Variants in CDH2 observed in about 807,000 individuals in gnomAD.
CDH2 encodes the protein cadherin 2, also known as cadherin-2.
Under a neutral mutation model 92.0 loss-of-function variants are expected in CDH2, and 17 were observed. The ratio of observed to expected loss-of-function variants is 0.18; its 90% CI spans 0.13 to 0.28. The LOEUF (loss-of-function observed/expected upper bound fraction) is 0.28, where lower values mean the gene tolerates loss of function less well. Ranked by LOEUF, CDH2 falls within the 10% of genes least tolerant of loss-of-function variation. The pLI is 1.00. For missense variants in CDH2, 862 were observed against 1,133.1 expected (o/e 0.76, Z 3.44); for synonymous variants, 419 against 415.9 (o/e 1.01, Z -0.09).
Position 28,169,634 on chromosome 18 carries a change from T to C in CDH2, c.60+7329A>G, listed in dbSNP as rs17495369. ...CAGTATTAAAATTAAAACTACAATA[T>C]ATGGGAGTAGGTAAGTACACTATCT... On this transcript the variant is annotated intron_variant, in intron 1 of 15. Transcript: ENST00000269141. Among the ~76,000 whole-genome samples, 989 of 152,314 alleles carry C rather than the reference T, an allele frequency of 6.5e-3. 18 individuals are homozygous for C. Among genetic ancestry groups the C allele is most frequent in the African/African-American group, 0.023 (948 of 41,570 alleles).
intron 2 of CDH2, among the ~76,000 whole-genome samples, chr18:28,086,324 A>G (rs980987809): frequency 2.6e-5 from 4 of 152,168 alleles, no homozygotes; most frequent in African/African-American, 4.8e-5. Context: ...AGTTATTGTT[A>G]TGCTTAAACA....
At chr18:27,961,739 G>GAAATATTTA (rs2011410350) in intron 15 of CDH2, among the ~76,000 whole-genome samples, 1 of 152,136 alleles carries the variant, frequency 6.6e-6, no homozygotes, top group African/African-American at 2.4e-5. Flanking sequence ...TGGTACTTCA[G>GAAATATTTA]GGACAGGCAG....
chr18:27,996,603 C>T (rs2012589761), intron 7 of CDH2, among the ~76,000 whole-genome samples: 1 of 152,172 alleles, frequency 6.6e-6, no homozygotes, highest in African/African-American at 2.4e-5. Flanking sequence ...GTTTATATGG[C>T]TGTTATCAGT....
intron 2 of CDH2, among the ~76,000 whole-genome samples, chr18:28,068,716 C>G (rs1239027249): frequency 6.6e-6 from 1 of 152,132 alleles, no homozygotes; most frequent in Non-Finnish European, 1.5e-5. Flanking sequence ...TAAGAGTACA[C>G]TTGGTTTTAA....
chr18:28,105,365 A>G (rs1195731174), intron 2 of CDH2, among the ~76,000 whole-genome samples: 5 of 152,332 alleles, frequency 3.3e-5, no homozygotes, highest in African/African-American at 1.2e-4. Flanking sequence ...AGCAAACTCT[A>G]TCAAGATGTT....
intron 1 of CDH2, among the ~76,000 whole-genome samples, chr18:28,170,038 A>C (rs2016441769): frequency 6.6e-6 from 1 of 152,224 alleles, no homozygotes; most frequent in Non-Finnish European, 1.5e-5. Flanking sequence ...CAACTATTAT[A>C]ATCTCTCAGG....
At chr18:27,960,817 GTTTGGAAGACGGT>G (rs2011382325) in intron 15 of CDH2, among the ~76,000 whole-genome samples, 1 of 152,096 alleles carries the variant, frequency 6.6e-6, no homozygotes, top group Non-Finnish European at 1.5e-5. Flanking sequence ...GCAGTCAGTT[GTTTGGAAGACGGT>G]TTTTCATATA....
intron 2 of CDH2, among the ~76,000 whole-genome samples, chr18:28,065,904 C>T (rs907816181): frequency 1.3e-5 from 2 of 152,158 alleles, no homozygotes; most frequent in African/African-American, 4.8e-5. Flanking sequence ...CATTAAATTG[C>T]ACTCTCCCTG....
At position 27,990,317 on chromosome 18, in the gene CDH2, G is replaced by A. The variant is rs746232611; in HGVS notation, c.1378C>T (p.Leu460Phe). 6 of 1,613,462 alleles carry A rather than the reference G, an allele frequency of 3.7e-6. No homozygotes were observed. In the Admixed American group the frequency reaches 6.7e-5, roughly 18 times the overall value. The change falls in exon 10 of 16, where the codon CTT (leucine) becomes TTT (phenylalanine). Residue 460 changes from leucine to phenylalanine, a missense_variant. By Grantham distance (22) the Leu-to-Phe change is conservative. Coordinates refer to ENST00000269141, the MANE Select transcript of CDH2 (RefSeq NM_001792.5). ...ACTTGATTTTCTGCAGCAACAGTAA[G>A]GACAAACATCCTATTTGTTTCAAAG... ...IDFETNRMFV[L>F]TVAAENQVPL...
chr18:28,059,578 T>C (rs995428872), intron 2 of CDH2, among the ~76,000 whole-genome samples: 3 of 152,240 alleles, frequency 2.0e-5, no homozygotes, highest in African/African-American at 2.4e-5. Context: ...CCATAAATAC[T>C]GTCTGACCAA....
At chr18:27,986,805 C>G (rs756041813) in intron 11 of CDH2, among the ~76,000 whole-genome samples, 1 of 152,102 alleles carries the variant, frequency 6.6e-6, no homozygotes, top group Non-Finnish European at 1.5e-5. Context: ...TCCAACACCA[C>G]CATGACCACT....
rs1326585025 is a variant in CDH2, at chr18:27,938,167, G to A, written c.1152-5043C>T. ...CATGTGAAGTGCTGGCTCCCCCTTCGCCTTCCACCAAGATTGTAAGTTTTC... is the reference window on the plus strand; with the variant it reads ...CATGTGAAGTGCTGGCTCCCCCTTCACCTTCCACCAAGATTGTAAGTTTTC... On this transcript the variant is annotated intron_variant, in intron 6 of 6. Transcript: ENST00000675173. Among the ~76,000 whole-genome samples the A allele has an allele frequency of 1.1e-4, 17 of 151,752 alleles. No homozygotes were observed. The East Asian group carries it at 2.1e-3, about 19-fold the overall frequency.
chr18:28,130,112 G>A (rs989634681), intron 2 of CDH2, among the ~76,000 whole-genome samples: 11 of 152,118 alleles, frequency 7.2e-5, no homozygotes, highest in African/African-American at 2.2e-4. Context: ...ACTAATTCAC[G>A]TAAAACATTT....
At chr18:27,938,005 T>C (rs199694191) in intron 6 of CDH2, among the ~76,000 whole-genome samples, 1 of 152,094 alleles carries the variant, frequency 6.6e-6, no homozygotes, top group Admixed American at 6.5e-5. Context: ...TGGGAGGTGA[T>C]TGGATCGTGG....
At chr18:28,087,369 G>A (rs2014952554) in intron 2 of CDH2, among the ~76,000 whole-genome samples, 1 of 152,154 alleles carries the variant, frequency 6.6e-6, no homozygotes, top group Non-Finnish European at 1.5e-5. Context: ...ATGTTCTAAC[G>A]GGAGCAGTAA....
intron 1 of CDH2, among the ~76,000 whole-genome samples, chr18:28,161,448 C>G (rs1598518758): frequency 6.6e-6 from 1 of 151,872 alleles, no homozygotes; most frequent in Non-Finnish European, 1.5e-5. Context: ...GGCATGTTGG[C>G]ACACACCTGT....
chr18:28,162,532 T>C (rs979702256), intron 1 of CDH2, among the ~76,000 whole-genome samples: 2 of 152,140 alleles, frequency 1.3e-5, no homozygotes, highest in Admixed American at 6.5e-5. Flanking sequence ...TTTGGTAGCC[T>C]ATCCTGCATC....
intron 2 of CDH2, among the ~76,000 whole-genome samples, chr18:28,143,698 C>T (rs771088542): frequency 6.6e-6 from 1 of 151,654 alleles, no homozygotes; most frequent in Non-Finnish European, 1.5e-5. Flanking sequence ...AGTTTTTTAT[C>T]ATCACCATCA....
intron 2 of CDH2, among the ~76,000 whole-genome samples, chr18:28,102,769 C>T (rs2015247716): frequency 6.6e-6 from 1 of 151,606 alleles, no homozygotes; most frequent in African/African-American, 2.4e-5. Flanking sequence ...AAGGGGTGGG[C>T]AGTAGTGGTT....
Sources: gnomAD v4.1 joint callset for allele counts (sites outside exome capture counted in the v4.1 genomes callset) on GRCh38, gnomAD v4.1.1 for gene constraint, MANE v1.5 for transcripts, NCBI Gene and HGNC (gene_info 2026-07-23, HGNC 2026-07-21) for gene names.